Variants in COL24A1 observed in about 807,000 individuals in gnomAD.
COL24A1 encodes the protein collagen alpha-1(XXIV) chain.
In COL24A1, 224 loss-of-function variants were observed where a neutral mutation model predicts 253.9. That is an observed-to-expected ratio of 0.88 (90% CI 0.79 to 0.99). The LOEUF (loss-of-function observed/expected upper bound fraction) is 0.99. Ranked by LOEUF, COL24A1 falls within the 50% of genes least tolerant of loss-of-function variation. The pLI, the probability that COL24A1 is intolerant of heterozygous loss-of-function variation, is 0.00. For synonymous variants in COL24A1, 685 were observed against 673.7 expected (o/e 1.02, Z -0.26); for missense variants, 2,131 against 2,068.5 (o/e 1.03, Z -0.59).
chr1:86,146,601 A>C (rs1355231075), intron 1 of COL24A1, among the ~76,000 whole-genome samples: 1 of 151,850 alleles, frequency 6.6e-6, no homozygotes, highest in African/African-American at 2.4e-5. Context: ...ATTTCCACAA[A>C]AATAACGCAA....
chr1:85,968,000 A>G (rs181636304), intron 22 of COL24A1, among the ~76,000 whole-genome samples: 1 of 152,302 alleles, frequency 6.6e-6, no homozygotes, highest in East Asian at 1.9e-4. Flanking sequence ...CTGCCAGTGA[A>G]TATAAAGCAG....
At chr1:86,001,035 C>A (rs1695345328) in intron 19 of COL24A1, among the ~76,000 whole-genome samples, 1 of 152,088 alleles carries the variant, frequency 6.6e-6, no homozygotes, top group Non-Finnish European at 1.5e-5. Flanking sequence ...CAGACAAAAA[C>A]CAGTATGGAA....
At chr1:85,974,902 A>G (rs1692511525) in intron 20 of COL24A1, among the ~76,000 whole-genome samples, 1 of 152,210 alleles carries the variant, frequency 6.6e-6, no homozygotes, top group Admixed American at 6.5e-5. Context: ...AATAAATAAA[A>G]TGATACATAG....
intron 47 of COL24A1, among the ~76,000 whole-genome samples, chr1:85,811,133 C>T (rs1475898322): frequency 6.6e-6 from 1 of 152,170 alleles, no homozygotes; most frequent in Non-Finnish European, 1.5e-5. Flanking sequence ...GACTTTCATT[C>T]CTTTTTAAGG....
intron 7 of COL24A1, among the ~76,000 whole-genome samples, chr1:86,079,821 G>C (rs1377595619): frequency 6.6e-6 from 1 of 152,156 alleles, no homozygotes; most frequent in Non-Finnish European, 1.5e-5. Flanking sequence ...ACTATTCATG[G>C]GAAGGTAAAT....
At position 85,773,947 on chromosome 1, in the gene COL24A1, G is replaced by C. The variant is rs532480361; in HGVS notation, c.4374+1727C>G. ...TGAGAGAGGGTATCCTTGTCTTGTG[G>C]CAGTTTTCAAAGGGAATGCTTCCAG... On this transcript the variant is annotated intron_variant, in intron 53 of 59. Coordinates refer to ENST00000370571, the MANE Select transcript of COL24A1 (RefSeq NM_152890.7). Among the ~76,000 whole-genome samples, 43 of 152,128 alleles carry C rather than the reference G, an allele frequency of 2.8e-4. 1 individual carries two copies. The highest frequency in any genetic ancestry group is 2.4e-3 in the Admixed American group (36 of 15,258).
At chr1:86,007,208 G>C (rs1054675145) in intron 19 of COL24A1, among the ~76,000 whole-genome samples, 1 of 148,236 alleles carries the variant, frequency 6.7e-6, no homozygotes, top group African/African-American at 2.6e-5. Context: ...TAGTGAAACT[G>C]TCTCAAAACA....
chr1:85,759,301 C>A (rs534693758), intron 55 of COL24A1, among the ~76,000 whole-genome samples: 1 of 152,194 alleles, frequency 6.6e-6, no homozygotes, highest in South Asian at 2.1e-4. Context: ...TAGTCTCTGT[C>A]TTCAGAGGGT....
At chr1:85,984,715 C>T (rs377056782) in intron 20 of COL24A1, among the ~76,000 whole-genome samples, 3 of 151,750 alleles carry the variant, frequency 2.0e-5, no homozygotes, top group South Asian at 2.1e-4. Context: ...CCTGGTTTAC[C>T]GCGAACTATT....
intron 10 of COL24A1, among the ~76,000 whole-genome samples, chr1:86,050,415 A>C (rs1700218926): frequency 6.6e-6 from 1 of 152,160 alleles, no homozygotes; most frequent in African/African-American, 2.4e-5. Context: ...AAGCCCAAAT[A>C]ATTTCCTTCA....
At chr1:85,756,946 G>A (rs1293148890) in intron 55 of COL24A1, among the ~76,000 whole-genome samples, 2 of 152,170 alleles carry the variant, frequency 1.3e-5, no homozygotes, top group Non-Finnish European at 2.9e-5. Flanking sequence ...AGTGAAATAA[G>A]CCAGTCACAA....
chr1:85,795,665 G>A (rs1670729559), intron 47 of COL24A1, among the ~76,000 whole-genome samples: 1 of 151,736 alleles, frequency 6.6e-6, no homozygotes, highest in Admixed American at 6.6e-5. Context: ...TTTCTCTTCT[G>A]CCAGGCACCT....
chr1:86,102,335 A>C (rs1471180083), intron 5 of COL24A1, among the ~76,000 whole-genome samples: 2 of 152,110 alleles, frequency 1.3e-5, no homozygotes, highest in African/African-American at 4.8e-5. Context: ...TCAAAAAACC[A>C]GTTCCAGGAT....
Position 85,818,101 on chromosome 1 carries a change from G to A in COL24A1, c.3790-14C>T, listed in dbSNP as rs1331287307. ...CCCCTTATTACCCTAAAGATGGAAA[G>A]CACAGTTGTCAATTGACTGTAATAA... On this transcript the variant is annotated splice_polypyrimidine_tract_variant and intron_variant, in intron 45 of 59. Transcript: ENST00000370571. The A allele has an allele frequency of 6.2e-7, 1 of 1,609,248 alleles. No homozygotes were observed. Among genetic ancestry groups the A allele is most frequent in the Non-Finnish European group, 8.5e-7 (1 of 1,175,830 alleles).
chr1:85,743,433 A>C (rs536606137), intron 57 of COL24A1, among the ~76,000 whole-genome samples: 11 of 152,120 alleles, frequency 7.2e-5, no homozygotes, highest in South Asian at 6.2e-4. Context: ...TAGATGCCTT[A>C]TCTGATCATT....
Position 86,020,061 on chromosome 1 carries a change from C to CTTT in COL24A1, c.2256+2176_2256+2178dup, listed in dbSNP as rs10582249. 5.9e-3 allele frequency among the ~76,000 whole-genome samples: 605 copies of CTTT among 102,554 alleles called. 4 individuals carry two copies. Among genetic ancestry groups the CTTT allele is most frequent in the East Asian group, 0.01 (27 of 2,588 alleles). The allele number at this position is 102,554 out of a possible 152,430, so 67.3% of individuals were successfully genotyped here. Reference sequence around the variant, plus strand: ...CCTAAACTTTCTTTTTTCATTCTTTCTTTTTTTTTTTTTTTTTTTTTTTTG... The same window carrying CTTT: ...CCTAAACTTTCTTTTTTCATTCTTTCTTTTTTTTTTTTTTTTTTTTTTTTTTTG... On this transcript the variant is annotated intron_variant, in intron 18 of 59. Coordinates refer to ENST00000370571, the MANE Select transcript of COL24A1 (RefSeq NM_152890.7).
chr1:86,148,963 C>A (rs1652339008), intron 1 of COL24A1, among the ~76,000 whole-genome samples: 1 of 152,126 alleles, frequency 6.6e-6, no homozygotes, highest in Non-Finnish European at 1.5e-5. Flanking sequence ...TACAGTCCCA[C>A]CAACAGTGTA....
At chr1:86,143,115 A>G (rs1651392531) in intron 2 of COL24A1, among the ~76,000 whole-genome samples, 1 of 152,230 alleles carries the variant, frequency 6.6e-6, no homozygotes, top group Admixed American at 6.5e-5. Context: ...AATGTTGTAA[A>G]AAATGCACCA....
intron 20 of COL24A1, among the ~76,000 whole-genome samples, chr1:85,985,435 ATAAAAAGT>A (rs1693643478): frequency 6.6e-6 from 1 of 151,852 alleles, no homozygotes; most frequent in African/African-American, 2.4e-5. Flanking sequence ...AGAACGTTGT[ATAAAAAGT>A]TAAAAAGTAC....
Sources: gnomAD v4.1 joint callset for allele counts (sites outside exome capture counted in the v4.1 genomes callset) on GRCh38, gnomAD v4.1.1 for gene constraint, MANE v1.5 for transcripts, NCBI Gene and HGNC (gene_info 2026-07-23, HGNC 2026-07-21) for gene names.